ATP2A2: variants seen among roughly 807,000 people sequenced by gnomAD.
ATP2A2 encodes the protein sarcoplasmic/endoplasmic reticulum calcium ATPase 2.
ATP2A2 carries 14 observed loss-of-function variants against 109.3 expected under a neutral mutation model. The ratio of observed to expected loss-of-function variants is 0.13; its 90% confidence interval spans 0.08 to 0.20. The LOEUF is 0.20. Ranked by LOEUF, ATP2A2 falls within the 10% of genes least tolerant of loss-of-function variation. ATP2A2 has a pLI of 1.00. For missense variants in ATP2A2, 657 were observed against 1,321.6 expected (o/e 0.50, Z 7.80); for synonymous variants, 506 against 490.9 (o/e 1.03, Z -0.41).
intron 5 of ATP2A2, among the ~76,000 whole-genome samples, chr12:110,300,732 C>A (rs1428154513): frequency 6.6e-6 from 1 of 151,164 alleles, no homozygotes; most frequent in Non-Finnish European, 1.5e-5. Context: ...CGATCCTCCT[C>A]CTCCTGCCTT....
At position 110,327,757 on chromosome 12, in the gene ATP2A2, T is replaced by C; in HGVS notation, c.835T>C (p.Phe279Leu). The C allele has an allele frequency of 3.7e-6, 6 of 1,614,146 alleles. No individual in the cohort carries two copies. The highest frequency in any genetic ancestry group is 5.1e-6 in the Non-Finnish European group (6 of 1,180,026). ...AGTCTGGATCATAAATATTGGGCAC[T>C]TCAATGACCCGGTTCATGGAGGGTC... Reference protein sequence around the residue: ...IAVWIINIGHFNDPVHGGSWI... With the variant: ...IAVWIINIGHLNDPVHGGSWI... The change falls in exon 8 of 20, where the codon TTC becomes CTC. Residue 279 changes from phenylalanine (F) to leucine (L), a missense_variant. Coordinates refer to ENST00000539276, the MANE Select transcript of ATP2A2 (RefSeq NM_170665.4). The surrounding 1 kb of genome is among the most constrained non-coding windows in gnomAD (Gnocchi z 4.4).
chr12:110,325,418 C>T (rs573151615), intron 6 of ATP2A2, among the ~76,000 whole-genome samples: 2 of 151,484 alleles, frequency 1.3e-5, no homozygotes, highest in African/African-American at 4.9e-5. Flanking sequence ...GGGATCACCT[C>T]AGGTCAGGAG....
At chr12:110,316,811 T>C (rs1035899343) in intron 5 of ATP2A2, among the ~76,000 whole-genome samples, 1 of 152,086 alleles carries the variant, frequency 6.6e-6, no homozygotes, top group Non-Finnish European at 1.5e-5. Flanking sequence ...AGAAACAAGT[T>C]AGAGGAACTG....
rs765793752 is a variant in ATP2A2, at chr12:110,282,668, T to C, written c.137-45T>C. The C allele has an allele frequency of 3.1e-6, 5 of 1,613,784 alleles. No individual in the cohort carries two copies. The South Asian group carries it at 3.3e-5, about 11-fold the overall frequency. On this transcript the variant is annotated intron_variant, in intron 2 of 19. Transcript: ENST00000539276. ...TGTTTTTTTTCCTCTGTTGGTGTGC[T>C]GATGGTAAGATGACAGTTAAAACAC...
chr12:110,285,301 G>A (rs1566197517), intron 3 of ATP2A2, among the ~76,000 whole-genome samples: 1 of 152,092 alleles, frequency 6.6e-6, no homozygotes, highest in Non-Finnish European at 1.5e-5. Context: ...TCATCTTCCA[G>A]TGCATATGAA....
At chr12:110,289,778 T>G (rs1271060445) in intron 3 of ATP2A2, among the ~76,000 whole-genome samples, 5 of 152,184 alleles carry the variant, frequency 3.3e-5, no homozygotes, top group Non-Finnish European at 7.3e-5. Context: ...TCATTAGATG[T>G]GGTTAACACT....
intron 5 of ATP2A2, among the ~76,000 whole-genome samples, chr12:110,302,245 T>C (rs1874735953): frequency 6.6e-6 from 1 of 152,176 alleles, no homozygotes. Context: ...CTTCCCTAAC[T>C]GAAATGTACA....
At position 110,322,372 on chromosome 12, in the gene ATP2A2, G is replaced by A. The variant is rs371463396; in HGVS notation, c.464-620G>A. ...TTTGTTTCCCAGGTGGTGTGCACCT[G>A]TAGTCCTTCTGCTTGGGAAGCTGAA... On this transcript the variant is annotated intron_variant, in intron 5 of 19. Transcript: ENST00000539276. Among the ~76,000 whole-genome samples, 6 of 152,148 alleles carry A rather than the reference G, an allele frequency of 3.9e-5. No homozygotes were observed. The South Asian group carries it at 8.3e-4, about 21-fold the overall frequency.
chr12:110,286,813 C>T (rs1313114707), intron 3 of ATP2A2, among the ~76,000 whole-genome samples: 1 of 151,688 alleles, frequency 6.6e-6, no homozygotes, highest in Non-Finnish European at 1.5e-5. Flanking sequence ...TGCTTATGAT[C>T]TTTTTAAGCA....
At chr12:110,283,097 C>T (rs1366964881) in intron 3 of ATP2A2, among the ~76,000 whole-genome samples, 2 of 152,260 alleles carry the variant, frequency 1.3e-5, no homozygotes, top group East Asian at 1.9e-4. Flanking sequence ...TTCTGGGAAG[C>T]CTTTAATGTT....
chr12:110,337,256 T>A (rs567191652), intron 11 of ATP2A2, among the ~76,000 whole-genome samples: 1 of 152,168 alleles, frequency 6.6e-6, no homozygotes, highest in Admixed American at 6.5e-5. Context: ...ATGTGTAGTT[T>A]AGAAGCAGAG....
At chr12:110,285,075 A>G (rs1592786638) in intron 3 of ATP2A2, among the ~76,000 whole-genome samples, 1 of 152,378 alleles carries the variant, frequency 6.6e-6, no homozygotes, top group South Asian at 2.1e-4. Flanking sequence ...CGATTCTTAT[A>G]TACATCATGC....
At chr12:110,307,703 T>C (rs1326686111) in intron 5 of ATP2A2, among the ~76,000 whole-genome samples, 1 of 152,196 alleles carries the variant, frequency 6.6e-6, no homozygotes, top group Non-Finnish European at 1.5e-5. Flanking sequence ...TTTGTGTGTG[T>C]GTTTGTGTGT....
intron 3 of ATP2A2, among the ~76,000 whole-genome samples, chr12:110,289,503 T>C (rs950784033): frequency 2.6e-5 from 4 of 152,228 alleles, no homozygotes; most frequent in African/African-American, 9.6e-5. Flanking sequence ...CCTAGCTCAC[T>C]GGACGTTGGT....
chr12:110,293,872 T>A (rs12310387), intron 4 of ATP2A2, among the ~76,000 whole-genome samples: 25,029 of 80,238 alleles, frequency 0.31, 2,705 homozygotes, highest in African/African-American at 0.46. Flanking sequence ...GTGTATATAT[T>A]TTTTTTTTTT....
chr12:110,312,442 A>G (rs1876180769), intron 5 of ATP2A2, among the ~76,000 whole-genome samples: 1 of 152,190 alleles, frequency 6.6e-6, no homozygotes, highest in South Asian at 2.1e-4. Flanking sequence ...AATGAAATTT[A>G]TGGACTTTCT....
At chr12:110,330,737 C>T (rs1367054542) in intron 8 of ATP2A2, 1 of 152,134 alleles carries the variant, frequency 6.6e-6, no homozygotes, top group African/African-American at 2.4e-5. Context: ...TACCTCACAA[C>T]AGGAAGCTGG....
At chr12:110,328,073 T>C in intron 8 of ATP2A2, 56 bp downstream of exon 8, 1 of 1,529,694 alleles carries the variant, frequency 6.5e-7, no homozygotes, top group Non-Finnish European at 9.0e-7. Flanking sequence ...ATCCTACCAA[T>C]ATGCCTTCAT....
rs1409887797 is a variant in ATP2A2 at position 110,342,922 on chromosome 12, A to G, written c.2319-310A>G. Among the ~76,000 whole-genome samples, 1 of 152,012 alleles carries G rather than the reference A, an allele frequency of 6.6e-6. No individual in the cohort carries two copies. Among genetic ancestry groups the G allele is most frequent in the Non-Finnish European group, 1.5e-5 (1 of 68,020 alleles). The stretch of plus-strand genomic sequence containing the variant: ...CCCTGCCATTTTTTTGTGTTTTAGT[A>G]GAAATGAGGTTTCACCATGTTGCCC... On this transcript the variant is annotated intron_variant, in intron 15 of 19. Transcript: ENST00000539276. This position sits in a 1 kb window ranked among gnomAD's most constrained non-coding sequence, Gnocchi z 4.6.
Sources: gnomAD v4.1 joint callset for allele counts (sites outside exome capture counted in the v4.1 genomes callset) on GRCh38, gnomAD v4.1.1 for gene constraint, Gnocchi (gnomAD v3.1) non-coding constraint, MANE v1.5 for transcripts, NCBI Gene and HGNC (gene_info 2026-07-23, HGNC 2026-07-21) for gene names.